PALD1: variants seen among roughly 807,000 people sequenced by gnomAD.
The protein encoded by PALD1 is paladin.
Under a neutral mutation model 96.0 loss-of-function variants are expected in PALD1, and 57 were observed. That is an observed-to-expected ratio of 0.59 (90% CI 0.48 to 0.74). PALD1 has a LOEUF of 0.74. Ranked by LOEUF, PALD1 falls within the 30% of genes least tolerant of loss-of-function variation. PALD1 has a pLI of 0.00. For synonymous variants in PALD1, 464 were observed against 473.6 expected (o/e 0.98, Z 0.26); for missense variants, 1,063 against 1,143.7 (o/e 0.93, Z 1.02).
At chr10:70,531,488 C>T in intron 5 of PALD1, 34 bp downstream of exon 5, 2 of 1,581,668 alleles carry the variant, frequency 1.3e-6, no homozygotes, top group East Asian at 2.3e-5. Context: ...GAGACCCCAG[C>T]CCACAGCCCA....
chr10:70,469,769 C>T, the PALD1 span, among the ~76,000 whole-genome samples: 1 of 151,978 alleles, frequency 6.6e-6, no homozygotes. Context: ...TGGCAGGGTG[C>T]ACTGACTGGC....
In PALD1 at chr10:70,539,548, T is replaced by C. The variant is rs762076577; in HGVS notation, c.1726-32T>C. 1 of 1,561,206 alleles carries C rather than the reference T, an allele frequency of 6.4e-7. No homozygotes were observed. Among genetic ancestry groups the C allele is most frequent in the Non-Finnish European group, 8.7e-7 (1 of 1,151,026 alleles). On this transcript the variant is annotated intron_variant, in intron 14 of 19. Transcript: ENST00000263563. The surrounding 1 kb of genome is among the most constrained non-coding windows in gnomAD (Gnocchi z 4.5). ...AGGGCTAGCCTAGAGCCTGCCCCAG[T>C]GGCCTGTGTCCTCCCTCCTGCCCTT...
At chr10:70,471,992 C>T in the PALD1 span, among the ~76,000 whole-genome samples, 2 of 152,262 alleles carry the variant, frequency 1.3e-5, no homozygotes, top group Admixed American at 1.3e-4. Context: ...CTGGGACCTT[C>T]CTAGCAAGTC....
chr10:70,511,368 G>C (rs1327863711), intron 1 of PALD1, among the ~76,000 whole-genome samples: 5 of 152,144 alleles, frequency 3.3e-5, no homozygotes, highest in Non-Finnish European at 7.3e-5. Flanking sequence ...TGGCTTCAAG[G>C]GCTCATGGTT....
chr10:70,565,801 G>A (rs1022080111), intron 19 of PALD1, among the ~76,000 whole-genome samples: 1 of 152,132 alleles, frequency 6.6e-6, no homozygotes, highest in African/African-American at 2.4e-5. Flanking sequence ...GGTGGAAGGG[G>A]ATGAGGACAC....
chr10:70,499,588 G>A (rs1846256931), intron 1 of PALD1, among the ~76,000 whole-genome samples: 2 of 152,238 alleles, frequency 1.3e-5, no homozygotes, highest in East Asian at 3.8e-4. Context: ...ACAGGAAGAG[G>A]GAGAAACTTA....
intron 19 of PALD1, among the ~76,000 whole-genome samples, chr10:70,565,660 G>C (rs989190473): frequency 1.3e-5 from 2 of 152,170 alleles, no homozygotes; most frequent in African/African-American, 4.8e-5. Context: ...AGAAGCATTT[G>C]AAATGCCCCC....
intron 10 of PALD1, among the ~76,000 whole-genome samples, chr10:70,535,087 AGGGGCTGCT>A: frequency 6.6e-6 from 1 of 152,216 alleles, no homozygotes; most frequent in Non-Finnish European, 1.5e-5. Flanking sequence ...GGACAGAGGA[AGGGGCTGCT>A]GGCCAGGGCT....
At chr10:70,548,085 C>A (rs945601002) in intron 18 of PALD1, among the ~76,000 whole-genome samples, 2 of 152,140 alleles carry the variant, frequency 1.3e-5, no homozygotes, top group African/African-American at 2.4e-5. Flanking sequence ...ACAGGCAGAC[C>A]ACCTGAGGTC....
Position 70,538,992 on chromosome 10 carries a change from C to A in PALD1, c.1553C>A (p.Ala518Asp). The A allele has an allele frequency of 6.2e-7, 1 of 1,613,768 alleles. No individual in the cohort carries two copies. Among genetic ancestry groups the A allele is most frequent in the South Asian group, 1.1e-5 (1 of 91,080 alleles). ...RVPRMPIYGT[A>D]QPSAKALGSI... ...CCCCGCATGCCCATCTACGGCACGG[C>A]CCAGCCCAGCGCCAAGGTGACCGGC... The change falls in exon 13 of 20, where the codon GCC becomes GAC. Residue 518 changes from alanine (A) to aspartate (D), a missense_variant. Ala to Asp is a moderately radical substitution (Grantham distance 126). Coordinates refer to ENST00000263563, the MANE Select transcript of PALD1 (RefSeq NM_014431.3).
intron 1 of PALD1, among the ~76,000 whole-genome samples, chr10:70,501,753 C>T (rs1846299197): frequency 6.6e-6 from 1 of 151,300 alleles, no homozygotes; most frequent in East Asian, 1.9e-4. Context: ...TCCCATTTTT[C>T]AGAGATAAGT....
At chr10:70,534,166 A>G (rs867068076) in intron 8 of PALD1, 93 bp downstream of exon 8, 39 of 1,375,076 alleles carry the variant, frequency 2.8e-5, no homozygotes, top group Middle Eastern at 2.7e-4. Context: ...AGGAGCCCAG[A>G]GCCAGAGCTG....
intron 1 of PALD1, among the ~76,000 whole-genome samples, chr10:70,506,688 A>G (rs1846398263): frequency 6.6e-6 from 1 of 152,116 alleles, no homozygotes; most frequent in Non-Finnish European, 1.5e-5. Flanking sequence ...GGCCCAGGGG[A>G]CTTGATAGGT....
intron 1 of PALD1, among the ~76,000 whole-genome samples, chr10:70,484,791 G>A (rs1363003616): frequency 1.3e-5 from 2 of 151,976 alleles, no homozygotes; most frequent in African/African-American, 4.8e-5. Context: ...TGCCCGCCTC[G>A]GCCTCCCAAA....
Position 70,541,499 on chromosome 10 carries a change from G to A in PALD1, c.2086G>A (p.Val696Met), listed in dbSNP as rs776639206. 2 of 1,613,804 alleles carry A rather than the reference G, an allele frequency of 1.2e-6. No individual in the cohort carries two copies. The highest frequency in any genetic ancestry group is 2.7e-5 in the African/African-American group (2 of 74,902). Reference protein sequence around the residue: ...PEVGEEELVSVPDAKFTKGEF... With the variant: ...PEVGEEELVSMPDAKFTKGEF... ...GGTGGGTGAGGAGGAGCTCGTGAGT[G>A]TGCCTGATGCCAAGTTCACTAAGGG... The change falls in exon 17 of 20, where the codon GTG becomes ATG. Residue 696 changes from valine to methionine, a missense_variant. Coordinates refer to ENST00000263563, the MANE Select transcript of PALD1 (RefSeq NM_014431.3).
chr10:70,523,324 T>C (rs1554857588), intron 1 of PALD1, among the ~76,000 whole-genome samples: 4 of 152,204 alleles, frequency 2.6e-5, no homozygotes, highest in Non-Finnish European at 2.9e-5. Flanking sequence ...CCTGAAGCTG[T>C]GGCCAGCTGT....
chr10:70,551,493 G>A (rs1353229631), intron 18 of PALD1, among the ~76,000 whole-genome samples: 1 of 152,160 alleles, frequency 6.6e-6, no homozygotes, highest in East Asian at 1.9e-4. Flanking sequence ...TCTAGGACCA[G>A]TCCACATTTG....
intron 4 of PALD1, among the ~76,000 whole-genome samples, chr10:70,530,520 A>T (rs576630054): frequency 6.6e-6 from 1 of 152,334 alleles, no homozygotes; most frequent in South Asian, 2.1e-4. Context: ...CACACAGCTC[A>T]TGAGTGGTAC....
At chr10:70,531,170 G>A (rs1846981029) in intron 4 of PALD1, 120 bp from the exon 5 acceptor site, 2 of 768,934 alleles carry the variant, frequency 2.6e-6, no homozygotes, top group Admixed American at 4.5e-5. Flanking sequence ...CAGGTTGCAG[G>A]GATGGTGTGG....
Sources: gnomAD v4.1 joint callset for allele counts (sites outside exome capture counted in the v4.1 genomes callset) on GRCh38, gnomAD v4.1.1 for gene constraint, Gnocchi (gnomAD v3.1) non-coding constraint, MANE v1.5 for transcripts, NCBI Gene and HGNC (gene_info 2026-07-23, HGNC 2026-07-21) for gene names.